The following GSN variants were observed in gnomAD, a reference collection of about 807,000 sequenced individuals.
The protein encoded by GSN is gelsolin, also known as actin-depolymerizing factor.
In GSN, 56 loss-of-function variants were observed where a neutral mutation model predicts 85.7. The observed-to-expected ratio is 0.65, with a 90% CI of 0.53 to 0.82. The LOEUF (loss-of-function observed/expected upper bound fraction) is 0.82, where lower values mean the gene tolerates loss of function less well. GSN is among the 40% of genes least tolerant of loss of function. GSN has a pLI of 0.00. For missense variants in GSN, 857 were observed against 979.8 expected (o/e 0.87, Z 1.67); for synonymous variants, 373 against 399.1 (o/e 0.93, Z 0.78).
At chr9:121,321,802 G>A (rs977760722) in intron 11 of GSN, among the ~76,000 whole-genome samples, 4 of 151,980 alleles carry the variant, frequency 2.6e-5, no homozygotes, top group Non-Finnish European at 5.9e-5. Flanking sequence ...GAGTGCAGTG[G>A]TGCGGTCTCG....
chr9:121,323,494 T>C (rs537361673), intron 11 of GSN, among the ~76,000 whole-genome samples: 1 of 150,492 alleles, frequency 6.6e-6, no homozygotes, highest in South Asian at 2.2e-4. Context: ...CTCAGCCTCC[T>C]GAGTATCTGG....
At chr9:121,274,307 A>G (rs890427397) in intron 1 of GSN, among the ~76,000 whole-genome samples, 2 of 151,960 alleles carry the variant, frequency 1.3e-5, no homozygotes, top group South Asian at 2.1e-4. Flanking sequence ...ATCACTCACT[A>G]TTATTCTATC....
intron 12 of GSN, among the ~76,000 whole-genome samples, chr9:121,325,120 C>T (rs1424603296): frequency 6.6e-6 from 1 of 152,224 alleles, no homozygotes; most frequent in Non-Finnish European, 1.5e-5. Context: ...GGGGTAATAA[C>T]AGTACCATCC....
At position 121,299,699 on chromosome 9, in the gene GSN, A is replaced by G. The variant is rs1430532165; in HGVS notation, c.-9-2264A>G. The G allele has an allele frequency of 5.5e-6, 5 of 905,126 alleles. No individual in the cohort carries two copies. The highest frequency in any genetic ancestry group is 7.0e-6 in the Non-Finnish European group (5 of 714,306). The allele number at this position is 905,126 out of a possible 1,614,324, so 56.1% of individuals were successfully genotyped here. ...GGGGCTGCCGCGCCCTGTCGGGTCG[A>G]TCCGGGTGGGAACCCAGATGTCTCC... On this transcript the variant is annotated intron_variant, in intron 2 of 17. Coordinates refer to ENST00000432226, the MANE Select transcript of GSN (RefSeq NM_198252.3). The surrounding 1 kb of genome is among the most constrained non-coding windows in gnomAD (Gnocchi z 4.2).
At chr9:121,253,565 G>A (rs929804651) in intron 6 of GSN, among the ~76,000 whole-genome samples, 11 of 152,170 alleles carry the variant, frequency 7.2e-5, no homozygotes, top group Admixed American at 3.3e-4. Flanking sequence ...GGTTCATCTC[G>A]AAGTTATATG....
rs1466807781 is a variant in GSN, at chr9:121,261,224, G to C, written c.-340-3930G>C. Among the ~76,000 whole-genome samples the C allele has an allele frequency of 6.6e-6, 1 of 152,262 alleles. No individual in the cohort carries two copies. Among genetic ancestry groups the C allele is most frequent in the African/African-American group, 2.4e-5 (1 of 41,466 alleles). On this transcript the variant is annotated intron_variant, in intron 6 of 24. Transcript: ENST00000373823. The surrounding 1 kb of genome is among the most constrained non-coding windows in gnomAD (Gnocchi z 4.1). ...GGGCTGGGCTTTCAGAAACAGCTGG[G>C]CTGATTCATCTAGAACAAAAGCCAG...
At chr9:121,286,133 C>T (rs886090959) in intron 2 of GSN, 69 of 1,535,598 alleles carry the variant, frequency 4.5e-5, no homozygotes, top group Non-Finnish European at 5.9e-5. Context: ...ATAGCTCCCC[C>T]CAGCCTCGCG....
chr9:121,286,039 C>T (rs1283106627), intron 2 of GSN: 1 of 1,373,202 alleles, frequency 7.3e-7, no homozygotes, highest in Non-Finnish European at 1.0e-6. Context: ...GCGGAGTTGG[C>T]TTGGCACAGC....
At chr9:121,319,483 T>A in intron 10 of GSN, among the ~76,000 whole-genome samples, 1 of 151,358 alleles carries the variant, frequency 6.6e-6, no homozygotes, top group East Asian at 1.9e-4. Context: ...GATTTATGCT[T>A]TATCTTTTTT....
chr9:121,328,029 T>G (rs2063440998), intron 14 of GSN, among the ~76,000 whole-genome samples: 1 of 151,982 alleles, frequency 6.6e-6, no homozygotes, highest in Non-Finnish European at 1.5e-5. Context: ...GAGCAGTTGG[T>G]CTGTGGAAGG....
intron 6 of GSN, among the ~76,000 whole-genome samples, chr9:121,259,264 G>C (rs1341483637): frequency 6.6e-6 from 1 of 152,194 alleles, no homozygotes; most frequent in Non-Finnish European, 1.5e-5. Context: ...GAATTAAGCA[G>C]AGTTCTGGAG....
At chr9:121,286,128 T>C (rs1588743232) in intron 2 of GSN, 6 of 1,534,966 alleles carry the variant, frequency 3.9e-6, no homozygotes, top group Non-Finnish European at 5.2e-6. Flanking sequence ...CCCACATAGC[T>C]CCCCCCAGCC....
chr9:121,300,048 A>G (rs765941933), intron 2 of GSN: 21 of 1,593,104 alleles, frequency 1.3e-5, no homozygotes, highest in Middle Eastern at 1.7e-4. Context: ...GTAACTCTCT[A>G]TTGTAAGTTC....
chr9:121,259,885 A>C (rs560315759), intron 6 of GSN, among the ~76,000 whole-genome samples: 1 of 152,350 alleles, frequency 6.6e-6, no homozygotes, highest in East Asian at 1.9e-4. Context: ...AGCTCTAGGG[A>C]AAAACAGGCT....
chr9:121,263,538 T>C (rs867971036), upstream of GSN, among the ~76,000 whole-genome samples: 2 of 152,020 alleles, frequency 1.3e-5, no homozygotes, highest in Middle Eastern at 3.4e-3. Flanking sequence ...AGCAGGCAAG[T>C]CTTACGTGGT....
rs544227689 is a variant in GSN, at chr9:121,326,599, C to T, written c.1504C>T (p.Arg502Cys). The change falls in exon 13 of 18, where the codon CGC becomes TGC. Residue 502 changes from arginine (R) to cysteine (C), a missense_variant. Coordinates refer to ENST00000432226, the MANE Select transcript of GSN (RefSeq NM_198252.3). ...PMIIYKGGTS[R>C]EGGQTAPAST... ...GATCATCTACAAGGGCGGCACCTCC[C>T]GCGAGGGCGGGCAGACAGCCCCTGC... is the stretch of plus-strand genomic sequence containing the variant. 19 of 1,611,068 alleles carry T rather than the reference C, an allele frequency of 1.2e-5. No individual in the cohort carries two copies. Among genetic ancestry groups the T allele is most frequent in the Non-Finnish European group, 1.4e-5 (17 of 1,178,562 alleles).
intron 4 of GSN, among the ~76,000 whole-genome samples, chr9:121,230,888 AG>A (rs2054375375): frequency 6.6e-6 from 1 of 152,220 alleles, no homozygotes; most frequent in Admixed American, 6.5e-5. Context: ...TCTGTGACCT[AG>A]GATAAGTCCT....
chr9:121,295,228 G>T (rs1237219495), intron 2 of GSN, among the ~76,000 whole-genome samples: 1 of 152,222 alleles, frequency 6.6e-6, no homozygotes, highest in Non-Finnish European at 1.5e-5. Context: ...ACTGAGGTCT[G>T]GATTGCAGAA....
Position 121,327,399 on chromosome 9 carries a change from G to T in GSN, c.1679G>T (p.Ser560Ile). The T allele has an allele frequency of 6.2e-7, 1 of 1,613,340 alleles. No individual in the cohort carries two copies. Among genetic ancestry groups the T allele is most frequent in the South Asian group, 1.1e-5 (1 of 90,834 alleles). ...AAYLWVGTGA[S>I]EAEKTGAQEL... ...TACCTGTGGGTGGGTACAGGAGCCA[G>T]CGAGGCAGAGAAGACGGGGGCCCAG... The change falls in exon 14 of 18, where the codon AGC becomes ATC. Residue 560 changes from serine to isoleucine, a missense_variant. Transcript: ENST00000432226.
Sources: allele counts gnomAD v4.1 joint callset (sites outside exome capture counted in the v4.1 genomes callset), GRCh38; gene constraint gnomAD v4.1.1; non-coding constraint Gnocchi (gnomAD v3.1); transcripts MANE v1.5; gene names NCBI Gene and HGNC (gene_info 2026-07-23, HGNC 2026-07-21).